VPS33A: variants seen among roughly 807,000 people sequenced by gnomAD.
VPS33A encodes VPS33A core subunit of CORVET and HOPS complexes, also known as vacuolar protein sorting-associated protein 33A.
In VPS33A, 32 loss-of-function variants were observed where a neutral mutation model predicts 71.8. The observed-to-expected ratio is 0.45, with a 90% CI of 0.34 to 0.60. The LOEUF is 0.60. Among genes scored for constraint, VPS33A ranks in the 20% least tolerant of loss-of-function variants. The pLI is 0.02. For synonymous variants in VPS33A, 311 were observed against 292.7 expected (o/e 1.06, Z -0.64); for missense variants, 625 against 748.5 (o/e 0.84, Z 1.92).
At chr12:122,250,532 C>T (rs1954828728) in intron 5 of VPS33A, among the ~76,000 whole-genome samples, 1 of 152,220 alleles carries the variant, frequency 6.6e-6, no homozygotes, top group Admixed American at 6.5e-5. Context: ...AACGAAGCGT[C>T]TCTGACACAC....
At position 122,231,040 on chromosome 12, in the gene VPS33A, G is replaced by A. The variant is rs996831852; in HGVS notation, c.*1206C>T. The stretch of plus-strand genomic sequence containing the variant: ...TACACGTGGCAGTTACCATGGAAAC[G>A]AAGTGGCCAGATGCTGAAGAAGCAA... On this transcript the variant is annotated 3_prime_UTR_variant, in exon 13 of 13. Transcript: ENST00000267199. 2.6e-5 allele frequency: 4 copies of A among 152,290 alleles called. No homozygotes were observed. Among genetic ancestry groups the A allele is most frequent in the South Asian group, 2.1e-4 (1 of 4,832 alleles). 9.4% of individuals were successfully genotyped at this position (152,290 alleles called of 1,614,324 possible).
At position 122,235,825 on chromosome 12, in the gene VPS33A, C is replaced by T. The variant is rs920908430; in HGVS notation, c.1401G>A (p.Arg467=). ...TGGRNNYPTI[R]KTLRLWMDDV... is the part of the protein sequence containing the mutation. ...CATCCATCCAGAGGCGTAATGTTTT[C>T]CGTATAGTTGGGTAATTGTTTCTGC... Residue 467 remains arginine (R), a synonymous_variant, in exon 11 of 13, where the codon CGG becomes CGA. Transcript: ENST00000267199. 1.2e-6 allele frequency: 2 copies of T among 1,613,678 alleles called. No individual in the cohort carries two copies. Among genetic ancestry groups the T allele is most frequent in the East Asian group, 2.2e-5 (1 of 44,840 alleles).
At position 122,235,065 on chromosome 12, in the gene VPS33A, C is replaced by A. The variant is rs370045175; in HGVS notation, c.1440+721G>T. Among the ~76,000 whole-genome samples, 8 of 152,130 alleles carry A rather than the reference C, an allele frequency of 5.3e-5. 1 individual carries two copies. In the South Asian group the frequency reaches 1.5e-3, roughly 28 times the overall value. On this transcript the variant is annotated intron_variant, in intron 11 of 12. Transcript: ENST00000267199. ...TGGCACAAACATGGTTCACTGCAAC[C>A]GCCTCCTGGGCTCAGTGATCCTCTA...
Position 122,250,010 on chromosome 12 carries a change from C to T in VPS33A, c.636G>A (p.Glu212=), listed in dbSNP as rs1231930861. The change falls in exon 6 of 13, where the codon GAG becomes GAA. Residue 212 remains glutamate, a synonymous_variant. Transcript: ENST00000267199. ...VANMMIRMKR[E]FTGSQNSIFP... ...ATATTGAATTCTGGCTTCCTGTAAA[C>T]TCTCTCTTCATCCTGATCATCATAT... The T allele has an allele frequency of 6.2e-7, 1 of 1,613,226 alleles. No individual in the cohort carries two copies. Among genetic ancestry groups the T allele is most frequent in the East Asian group, 2.2e-5 (1 of 44,854 alleles).
At chr12:122,253,075 G>C (rs1237554397) in intron 4 of VPS33A, 1 of 152,242 alleles carries the variant, frequency 6.6e-6, no homozygotes, top group African/African-American at 2.4e-5. Context: ...CTCTGCCCCA[G>C]GGAGGAAGGA....
At chr12:122,263,791 G>T in intron 2 of VPS33A, 92 bp from the exon 3 acceptor site, 1 of 1,382,026 alleles carries the variant, frequency 7.2e-7, no homozygotes, top group Non-Finnish European at 9.7e-7. Flanking sequence ...CCAATCAAGT[G>T]CACATTAATA....
intron 1 of VPS33A, 75 bp downstream of exon 1, chr12:122,266,232 A>G: frequency 6.4e-7 from 1 of 1,561,426 alleles, no homozygotes; most frequent in South Asian, 1.1e-5. Flanking sequence ...CCGCGAACTC[A>G]GGCGGTCAGG....
In VPS33A at chr12:122,266,088, A is replaced by G. The variant is rs374119656; in HGVS notation, c.102+219T>C. On this transcript the variant is annotated intron_variant, in intron 1 of 12. Transcript: ENST00000267199. ...TCACAGTGGCTTACTCTGCTCTCAC[A>G]AAACAGTCGCGGTGCCACTCCGGCT... Among the ~76,000 whole-genome samples, 10 of 152,346 alleles carry G rather than the reference A, an allele frequency of 6.6e-5. No homozygotes were observed. The South Asian group carries it at 1.7e-3, about 25-fold the overall frequency.
chr12:122,263,194 T>A (rs867502824), intron 3 of VPS33A, among the ~76,000 whole-genome samples: 1 of 152,072 alleles, frequency 6.6e-6, no homozygotes, highest in South Asian at 2.1e-4. Flanking sequence ...GGTTTCACTA[T>A]GTTGGCCAGG....
Position 122,249,902 on chromosome 12 carries a change from T to G in VPS33A, c.744A>C (p.Gly248=). Residue 248 remains glycine, a synonymous_variant, in exon 6 of 13, where the codon GGA becomes GGC. Transcript: ENST00000267199. ...GAATGCCATAAATTTCATCAATGAG[T>G]CCTTCATATGTCAGCTGAGTGGCAA... ...TPLATQLTYE[G]LIDEIYGIQN... 1 of 1,613,788 alleles carries G rather than the reference T, an allele frequency of 6.2e-7. No individual in the cohort carries two copies. Among genetic ancestry groups the G allele is most frequent in the Admixed American group, 1.7e-5 (1 of 59,914 alleles).
Position 122,237,751 on chromosome 12 carries a change from C to T in VPS33A, c.1302+836G>A, listed in dbSNP as rs561875752. On this transcript the variant is annotated intron_variant, in intron 10 of 12. Transcript: ENST00000267199. The stretch of plus-strand genomic sequence containing the variant: ...GTAGAGTCAGGGTACAGAGCCACCG[C>T]GCCCGGCCTATAAAGTTTTTCCAAT... Among the ~76,000 whole-genome samples, 28 of 135,804 alleles carry T rather than the reference C, an allele frequency of 2.1e-4. 6 individuals are homozygous for T. The Middle Eastern group carries it at 0.011, about 52-fold the overall frequency. 89.1% of individuals were successfully genotyped at this position (135,804 alleles called of 152,430 possible). A position where few individuals can be genotyped will look rare whatever the true frequency, so the allele number is the denominator to read the frequency against.
At chr12:122,255,827 CG>C (rs901336182) in intron 4 of VPS33A, among the ~76,000 whole-genome samples, 2 of 151,794 alleles carry the variant, frequency 1.3e-5, no homozygotes, top group Non-Finnish European at 2.9e-5. Context: ...TTTCTGTGGC[CG>C]GGTCTCACTC....
chr12:122,265,675 GTTCGACTT>G, intron 1 of VPS33A: 2 of 450,506 alleles, frequency 4.4e-6, no homozygotes, highest in South Asian at 3.1e-5. Flanking sequence ...AGGCTCCCCA[GTTCGACTT>G]TTCACAGTTG....
intron 11 of VPS33A, among the ~76,000 whole-genome samples, chr12:122,234,712 A>G (rs970704760): frequency 2.0e-5 from 3 of 151,752 alleles, no homozygotes; most frequent in African/African-American, 7.3e-5. Flanking sequence ...ACACACTCCA[A>G]TGCCTTCTCT....
chr12:122,232,091 G>T lies in VPS33A; in HGVS notation c.*155C>A. 1 of 678,392 alleles carries T rather than the reference G, an allele frequency of 1.5e-6. No individual in the cohort carries two copies. The highest frequency in any genetic ancestry group is 2.3e-6 in the Non-Finnish European group (1 of 430,820). 42.0% of individuals were successfully genotyped at this position (678,392 alleles called of 1,614,324 possible). A position where few individuals can be genotyped will look rare whatever the true frequency, so the allele number is the denominator to read the frequency against. Reference sequence around the variant, plus strand: ...AAAAAAAGGGAATACAAAAGAGACGGAGAAAGCAGTAAACAGTAGTATAAT... The same window carrying T: ...AAAAAAAGGGAATACAAAAGAGACGTAGAAAGCAGTAAACAGTAGTATAAT... On this transcript the variant is annotated 3_prime_UTR_variant, in exon 13 of 13. Coordinates refer to ENST00000267199, the MANE Select transcript of VPS33A (RefSeq NM_022916.6).
intron 6 of VPS33A, among the ~76,000 whole-genome samples, chr12:122,245,513 G>A (rs1158588450): frequency 6.7e-6 from 1 of 148,882 alleles, no homozygotes; most frequent in African/African-American, 2.5e-5. Context: ...GCACGATCTC[G>A]GCTCACTGCA....
At chr12:122,263,185 G>T (rs538143478) in intron 3 of VPS33A, among the ~76,000 whole-genome samples, 6 of 152,002 alleles carry the variant, frequency 3.9e-5, no homozygotes, top group Non-Finnish European at 5.9e-5. Context: ...TAGAGACGGG[G>T]TTTCACTATG....
intron 6 of VPS33A, among the ~76,000 whole-genome samples, chr12:122,246,131 C>CAA (rs1464506614): frequency 6.6e-6 from 1 of 152,032 alleles, no homozygotes; most frequent in African/African-American, 2.4e-5. Flanking sequence ...CAACATGTAC[C>CAA]AAGTGCCTTT....
At chr12:122,251,741 A>G (rs780480032) in intron 4 of VPS33A, among the ~76,000 whole-genome samples, 17 of 151,916 alleles carry the variant, frequency 1.1e-4, no homozygotes, top group Non-Finnish European at 2.4e-4. Flanking sequence ...ACTTGGACAC[A>G]GGAAGGGGAA....
Sources: gnomAD v4.1 joint callset for allele counts (sites outside exome capture counted in the v4.1 genomes callset) on GRCh38, gnomAD v4.1.1 for gene constraint, MANE v1.5 for transcripts, NCBI Gene and HGNC (gene_info 2026-07-23, HGNC 2026-07-21) for gene names.